The following UBE2T variants were observed in gnomAD, a reference collection of about 807,000 sequenced individuals.
The protein encoded by UBE2T is ubiquitin conjugating enzyme E2 T.
Under a neutral mutation model 23.3 loss-of-function variants are expected in UBE2T, and 15 were observed. The observed-to-expected ratio is 0.64, with a 90% CI of 0.43 to 0.99. The LOEUF (loss-of-function observed/expected upper bound fraction) is 0.99. Ranked by LOEUF, UBE2T falls within the 50% of genes least tolerant of loss-of-function variation. The pLI is 0.00. For synonymous variants in UBE2T, 67 were observed against 78.4 expected (o/e 0.85, Z 0.77); for missense variants, 197 against 234.9 (o/e 0.84, Z 1.05).
chr1:202,337,613 T>C (rs1052658903), intron 1 of UBE2T, among the ~76,000 whole-genome samples: 2 of 152,194 alleles, frequency 1.3e-5, no homozygotes, highest in Non-Finnish European at 2.9e-5. Flanking sequence ...AAATTAAATT[T>C]CTATATGTGT....
chr1:202,341,349 C>A (rs1654998431), intron 1 of UBE2T, among the ~76,000 whole-genome samples: 1 of 151,722 alleles, frequency 6.6e-6, no homozygotes, highest in Admixed American at 6.6e-5. Context: ...GAGGCCGAGG[C>A]GGGCGGATCA....
chr1:202,333,575 CAGAT>C lies in UBE2T; in HGVS notation c.180-24_180-21del, dbSNP rs776962043. The C allele has an allele frequency of 5.1e-5, 81 of 1,591,148 alleles. No homozygotes were observed. Among genetic ancestry groups the C allele is most frequent in the South Asian group, 4.6e-4 (41 of 88,422 alleles). The stretch of plus-strand genomic sequence containing the variant: ...GGGTACCTATGAAAGAATAAGACAA[CAGAT>C]AATTTTCATTACATAATTTTGCTTC... On this transcript the variant is annotated intron_variant, in intron 3 of 6. Transcript: ENST00000646651.
intron 1 of UBE2T, among the ~76,000 whole-genome samples, chr1:202,341,268 G>A (rs1408300145): frequency 1.3e-5 from 2 of 152,080 alleles, no homozygotes; most frequent in South Asian, 2.1e-4. Context: ...CGTGGGTTTG[G>A]ACCAGATGTT....
chr1:202,340,200 A>C (rs1324036579), intron 1 of UBE2T, among the ~76,000 whole-genome samples: 1 of 150,538 alleles, frequency 6.6e-6, no homozygotes, highest in East Asian at 2.0e-4. Context: ...ACAGAGCAAG[A>C]CTCTGTCTCA....
At chr1:202,338,308 C>T (rs1357826785) in intron 1 of UBE2T, among the ~76,000 whole-genome samples, 1 of 152,116 alleles carries the variant, frequency 6.6e-6, no homozygotes, top group Non-Finnish European at 1.5e-5. Flanking sequence ...CAATCTCCAC[C>T]TCCTGGGTTC....
rs1021096727 is a variant in UBE2T at position 202,335,502 on chromosome 1, T to G, written c.109+144A>C. ...AAATGTCAAGCAAACCTTTTATAAA[T>G]GTAAACAAATTTGGGTAGAAAGATG... On this transcript the variant is annotated intron_variant, in intron 2 of 6. Coordinates refer to ENST00000646651, the MANE Select transcript of UBE2T (RefSeq NM_014176.4). This position sits in a 1 kb window ranked among gnomAD's most constrained non-coding sequence, Gnocchi z 4.0. 5.4e-6 allele frequency: 4 copies of G among 739,204 alleles called. No individual in the cohort carries two copies. The African/African-American group carries it at 7.1e-5, about 13-fold the overall frequency. The allele number at this position is 739,204 out of a possible 1,614,324, so 45.8% of individuals were successfully genotyped here.
intron 1 of UBE2T, among the ~76,000 whole-genome samples, chr1:202,340,437 C>G (rs945650510): frequency 6.6e-6 from 1 of 150,432 alleles, no homozygotes; most frequent in Non-Finnish European, 1.5e-5. Flanking sequence ...TGGCTTCAAC[C>G]AGGAAGGCGG....
Position 202,335,831 on chromosome 1 carries a change from A to G in UBE2T, c.-64-13T>C. The G allele has an allele frequency of 7.7e-7, 1 of 1,302,452 alleles. No homozygotes were observed. Among genetic ancestry groups the G allele is most frequent in the Non-Finnish European group, 1.1e-6 (1 of 909,642 alleles). The allele number at this position is 1,302,452 out of a possible 1,614,324, so 80.7% of individuals were successfully genotyped here. A position where few individuals can be genotyped will look rare whatever the true frequency, so the allele number is the denominator to read the frequency against. ...TGCCTGGGATGCACTGGAGGAGAAAAGAGGTGACCATAAAATCATCAGCAA... is the reference window on the plus strand; with the variant it reads ...TGCCTGGGATGCACTGGAGGAGAAAGGAGGTGACCATAAAATCATCAGCAA... On this transcript the variant is annotated splice_polypyrimidine_tract_variant and intron_variant, in intron 1 of 6. Coordinates refer to ENST00000646651, the MANE Select transcript of UBE2T (RefSeq NM_014176.4). The surrounding 1 kb of genome is among the most constrained non-coding windows in gnomAD (Gnocchi z 4.0).
intron 3 of UBE2T, among the ~76,000 whole-genome samples, chr1:202,334,243 A>C (rs1186060243): frequency 6.6e-6 from 1 of 152,190 alleles, no homozygotes; most frequent in Non-Finnish European, 1.5e-5. Flanking sequence ...AGGGGCCTTA[A>C]CCATAAAAAG....
intron 1 of UBE2T, among the ~76,000 whole-genome samples, chr1:202,339,213 C>T (rs1402853060): frequency 2.0e-5 from 3 of 150,058 alleles, no homozygotes; most frequent in Non-Finnish European, 3.0e-5. Flanking sequence ...ATCCAATTTA[C>T]TTGAATCTTA....
chr1:202,333,357 G>A (rs376533913), intron 4 of UBE2T, 22 bp from the exon 5 acceptor site: 36 of 1,613,670 alleles, frequency 2.2e-5, no homozygotes, highest in Non-Finnish European at 3.0e-5. Flanking sequence ...CAGATGAACA[G>A]TTGCTTTTAT....
intron 1 of UBE2T, among the ~76,000 whole-genome samples, chr1:202,340,419 C>T (rs2148343009): frequency 6.6e-6 from 1 of 151,486 alleles, no homozygotes; most frequent in East Asian, 1.9e-4. Context: ...AAGGCTGAGG[C>T]AGGAGAATGG....
Position 202,332,907 on chromosome 1 carries a change from CAAAAAAAAAAAAAAAAAAAAAA to C in UBE2T, c.468+81_468+102del, listed in dbSNP as rs56137992. 9 of 157,616 alleles carry C rather than the reference CAAAAAAAAAAAAAAAAAAAAAA, an allele frequency of 5.7e-5. No homozygotes were observed. The African/African-American group carries it at 6.1e-4, about 11-fold the overall frequency. The allele number at this position is 157,616 out of a possible 1,614,324, so 9.8% of individuals were successfully genotyped here. On this transcript the variant is annotated intron_variant, in intron 6 of 6. Transcript: ENST00000646651. ...TGGGCGACAGAGCGAGACTCCGTCT[CAAAAAAAAAAAAAAAAAAAAAA>C]AAAAAAAAAAACATTATTTATACAT... is the stretch of plus-strand genomic sequence containing the variant.
Position 202,333,466 on chromosome 1 carries a change from A to G in UBE2T, c.269T>C (p.Leu90Pro), listed in dbSNP as rs1372258253. The G allele has an allele frequency of 6.2e-7, 1 of 1,614,192 alleles. No homozygotes were observed. ...ACAACTCACTTTTGGTGGCAATTTG[A>G]GAACATCCAGACAAATCCTTCCAGC... ...DSAGRICLDV[L>P]KLPPKGAWRP... The change falls in exon 4 of 7, where the codon CTC becomes CCC. Residue 90 changes from leucine (L) to proline (P), a missense_variant. Coordinates refer to ENST00000646651, the MANE Select transcript of UBE2T (RefSeq NM_014176.4).
intron 1 of UBE2T, among the ~76,000 whole-genome samples, chr1:202,337,876 A>C (rs1358672637): frequency 1.3e-5 from 2 of 152,146 alleles, no homozygotes; most frequent in Non-Finnish European, 2.9e-5. Flanking sequence ...TTGCTCTTCC[A>C]TATAAATTTG....
Position 202,333,070 on chromosome 1 carries a change from CTTA to C in UBE2T, c.405_407del (p.Asn135del), listed in dbSNP as rs1438515191. 2 of 1,613,536 alleles carry C rather than the reference CTTA, an allele frequency of 1.2e-6. No homozygotes were observed. The highest frequency in any genetic ancestry group is 8.5e-7 in the Non-Finnish European group (1 of 1,179,900). On this transcript the variant is annotated inframe_deletion, in exon 6 of 7. Coordinates refer to ENST00000646651, the MANE Select transcript of UBE2T (RefSeq NM_014176.4). ...GTCTGGCATTCTTGAGGAAGGCTGG[CTTA>C]TTATATTTAAATTCTGAGGACTGAG...
chr1:202,332,434 A>C (rs575151256), intron 6 of UBE2T, among the ~76,000 whole-genome samples: 17 of 152,312 alleles, frequency 1.1e-4, no homozygotes, highest in Non-Finnish European at 2.5e-4. Flanking sequence ...TGCAATATAA[A>C]AAAAATTAAC....
At position 202,332,933 on chromosome 1, in the gene UBE2T, A is replaced by C. The variant is rs983098179; in HGVS notation, c.468+77T>G. On this transcript the variant is annotated intron_variant, in intron 6 of 6. Coordinates refer to ENST00000646651, the MANE Select transcript of UBE2T (RefSeq NM_014176.4). ...AAAAAAAAAAAAAAAAAAAAAAAAAAAAAAAAACATTATTTATACATATAT... is the reference window on the plus strand; with the variant it reads ...AAAAAAAAAAAAAAAAAAAAAAAAACAAAAAAACATTATTTATACATATAT... 4.5e-5 allele frequency: 23 copies of C among 506,008 alleles called. No homozygotes were observed. In the East Asian group the frequency reaches 8.6e-4, roughly 19 times the overall value. The allele number at this position is 506,008 out of a possible 1,614,324, so 31.3% of individuals were successfully genotyped here. A position where few individuals can be genotyped will look rare whatever the true frequency, so the allele number is the denominator to read the frequency against.
rs774320082 is a variant in UBE2T, at chr1:202,333,034, C to G, written c.444G>C (p.Glu148Asp). The G allele has an allele frequency of 2.3e-5, 37 of 1,604,764 alleles. No individual in the cohort carries two copies. The highest frequency in any genetic ancestry group is 7.7e-6 in the Non-Finnish European group (9 of 1,175,142). ...CCTTTTGTTTCTGTCTTGCATGCTT[C>G]TCTGTCCACTGTCTGGCATTCTTGA... The part of the protein sequence containing the change: ...AFLKNARQWT[E>D]KHARQKQKAD... The change falls in exon 6 of 7, where the codon GAG (glutamate) becomes GAC (aspartate). Residue 148 changes from glutamate to aspartate, a missense_variant. Glu to Asp is a conservative substitution (Grantham distance 45). Transcript: ENST00000646651.
Sources: gnomAD v4.1 joint callset for allele counts (sites outside exome capture counted in the v4.1 genomes callset) on GRCh38, gnomAD v4.1.1 for gene constraint, Gnocchi (gnomAD v3.1) non-coding constraint, MANE v1.5 for transcripts, NCBI Gene and HGNC (gene_info 2026-07-23, HGNC 2026-07-21) for gene names.